Variants in KSR1 observed in about 807,000 individuals in gnomAD.
The protein encoded by KSR1 is kinase suppressor of ras.
A neutral mutation model predicts 92.9 loss-of-function variants in KSR1; 35 were observed. That is an observed-to-expected ratio of 0.38 (90% CI 0.29 to 0.50). The LOEUF is 0.50. KSR1 is among the 20% of genes least tolerant of loss of function. The pLI, the probability that KSR1 is intolerant of heterozygous loss-of-function variation, is 0.94. For synonymous variants in KSR1, 467 were observed against 472.6 expected (o/e 0.99, Z 0.15); for missense variants, 972 against 1,158.5 (o/e 0.84, Z 2.34).
intron 1 of KSR1, among the ~76,000 whole-genome samples, chr17:27,478,394 A>G (rs534101247): frequency 9.8e-4 from 149 of 152,338 alleles, no homozygotes; most frequent in African/African-American, 3.4e-3. Flanking sequence ...GAATGGGGAC[A>G]TACGAATGGG....
chr17:27,582,934 C>T lies in KSR1; in HGVS notation c.809C>T (p.Thr270Ile). The T allele has an allele frequency of 6.2e-7, 1 of 1,611,250 alleles. No homozygotes were observed. Among genetic ancestry groups the T allele is most frequent in the Non-Finnish European group, 8.5e-7 (1 of 1,178,710 alleles). The change falls in exon 4 of 21, where the codon ACC (threonine) becomes ATC (isoleucine). Residue 270 changes from threonine to isoleucine, a missense_variant. Coordinates refer to ENST00000644974, the MANE Select transcript of KSR1 (RefSeq NM_001394583.1). ...LTPRALHSFITPPTTPQLRRH... is the reference protein window; with the variant it reads ...LTPRALHSFIIPPTTPQLRRH... ...CCCCGTGCCCTGCACAGCTTCATCA[C>T]CCCGCCCACCACACCCCAGCTGCGA...
chr17:27,483,487 T>C (rs1374669670), intron 1 of KSR1, among the ~76,000 whole-genome samples: 1 of 149,468 alleles, frequency 6.7e-6, no homozygotes, highest in African/African-American at 2.5e-5. Context: ...CTCAGGAGGC[T>C]GAGGCAGGAG....
At chr17:27,605,335 C>T (rs954813781) in intron 13 of KSR1, 99 bp from the exon 14 acceptor site, 3 of 1,466,770 alleles carry the variant, frequency 2.0e-6, no homozygotes, top group South Asian at 2.6e-5. Context: ...GGCAGGATGC[C>T]TCTCTCCCCT....
rs1447543044 is a variant in KSR1 at position 27,462,699 on chromosome 17, C to T, written c.231+5825C>T. 2.9e-4 allele frequency among the ~76,000 whole-genome samples: 44 copies of T among 152,166 alleles called. 1 individual carries two copies. The highest frequency in any genetic ancestry group is 2.7e-3 in the Admixed American group (42 of 15,276). ...TTTCTACTTTTAATTAAAATATTTA[C>T]AAAATACATAATGATATATGTTCAC... On this transcript the variant is annotated intron_variant, in intron 1 of 20. Coordinates refer to ENST00000644974, the MANE Select transcript of KSR1 (RefSeq NM_001394583.1).
At chr17:27,613,059 G>A (rs1014014664) in intron 18 of KSR1, 6 of 152,176 alleles carry the variant, frequency 3.9e-5, no homozygotes, top group Admixed American at 2.0e-4. Flanking sequence ...ATATTTGTAC[G>A]GGGATGCCCC....
intron 2 of KSR1, among the ~76,000 whole-genome samples, chr17:27,574,719 A>T (rs1294398395): frequency 6.6e-6 from 1 of 152,244 alleles, no homozygotes; most frequent in Admixed American, 6.5e-5. Flanking sequence ...AATGACAATG[A>T]AATTAGTCCT....
Position 27,623,475 on chromosome 17 carries a change from AAC to A in KSR1, c.*86_*87del. ...ATCCCAACAACCACCACGACAAAAA[AAC>A]ACTGCCTGCCCAGCGCTGCAAACCA... On this transcript the variant is annotated 3_prime_UTR_variant, in exon 21 of 21. Transcript: ENST00000644974. The A allele has an allele frequency of 1.4e-6, 1 of 705,890 alleles. No individual in the cohort carries two copies. Among genetic ancestry groups the A allele is most frequent in the Non-Finnish European group, 2.6e-6 (1 of 386,644 alleles). The allele number at this position is 705,890 out of a possible 1,614,324, so 43.7% of individuals were successfully genotyped here. A position where few individuals can be genotyped will look rare whatever the true frequency, so the allele number is the denominator to read the frequency against.
At chr17:27,470,845 T>C (rs76083789) in intron 1 of KSR1, among the ~76,000 whole-genome samples, 1 of 151,578 alleles carries the variant, frequency 6.6e-6, no homozygotes, top group East Asian at 1.9e-4. Flanking sequence ...TTGCTATTTC[T>C]CTCTTCTGTG....
intron 1 of KSR1, among the ~76,000 whole-genome samples, chr17:27,531,041 C>T (rs1010026): frequency 0.41 from 62,232 of 152,066 alleles, 13,411 homozygotes; most frequent in African/African-American, 0.54. Context: ...TAAACAATGT[C>T]GGGATGGACA....
At chr17:27,544,425 A>T (rs2071086030) in intron 1 of KSR1, among the ~76,000 whole-genome samples, 1 of 152,194 alleles carries the variant, frequency 6.6e-6, no homozygotes, top group South Asian at 2.1e-4. Flanking sequence ...TTGATTTTAG[A>T]TGTTAGAGCT....
At position 27,608,054 on chromosome 17, in the gene KSR1, C is replaced by T; in HGVS notation, c.2091+44C>T. On this transcript the variant is annotated intron_variant, in intron 15 of 20. Coordinates refer to ENST00000644974, the MANE Select transcript of KSR1 (RefSeq NM_001394583.1). ...GCTGGGGGTGGGTTTCTGGCCGGTT[C>T]CAGGGCTCTCGGCTGTTCCTCTCGC... The T allele has an allele frequency of 2.1e-6, 3 of 1,404,942 alleles. No homozygotes were observed. In the Middle Eastern group the frequency reaches 5.3e-4, roughly 246 times the overall value. The allele number at this position is 1,404,942 out of a possible 1,614,324, so 87.0% of individuals were successfully genotyped here.
chr17:27,548,042 A>G (rs1009642459), intron 1 of KSR1, among the ~76,000 whole-genome samples: 24 of 151,988 alleles, frequency 1.6e-4, no homozygotes, highest in African/African-American at 5.3e-4. Flanking sequence ...AATTTGATAA[A>G]TGTGTTTAAA....
In KSR1 at chr17:27,600,237, C is replaced by A. The variant is rs193048781; in HGVS notation, c.1469-1123C>A. ...ATCACCTGAGATCAGGAGTTCAAGA[C>A]CAGCCTGGCCAACATAGTGAAACCC... On this transcript the variant is annotated intron_variant, in intron 10 of 20. Coordinates refer to ENST00000644974, the MANE Select transcript of KSR1 (RefSeq NM_001394583.1). Among the ~76,000 whole-genome samples the A allele has an allele frequency of 1.8e-4, 28 of 151,894 alleles. No individual in the cohort carries two copies. The East Asian group carries it at 5.2e-3, about 28-fold the overall frequency.
rs2074334279 is a variant in KSR1, at chr17:27,626,073, A to G, written c.*2681A>G. Reference sequence around the variant, plus strand: ...ACAGAGAGGAATGGCAAGCCCTGGAAACCTGTGTTATTCTGTGTTGATTTG... The same window carrying G: ...ACAGAGAGGAATGGCAAGCCCTGGAGACCTGTGTTATTCTGTGTTGATTTG... On this transcript the variant is annotated 3_prime_UTR_variant, in exon 21 of 21. Coordinates refer to ENST00000644974, the MANE Select transcript of KSR1 (RefSeq NM_001394583.1). 6.6e-6 allele frequency: 1 copy of G among 152,234 alleles called. No homozygotes were observed. The highest frequency in any genetic ancestry group is 1.5e-5 in the Non-Finnish European group (1 of 68,066). The allele number at this position is 152,234 out of a possible 1,614,324, so 9.4% of individuals were successfully genotyped here. A position where few individuals can be genotyped will look rare whatever the true frequency, so the allele number is the denominator to read the frequency against.
Position 27,599,720 on chromosome 17 carries a change from A to G in KSR1, c.1469-1640A>G, listed in dbSNP as rs56676398. ...AATAATAAATTAACCTTAGCTTACA[A>G]CTTTTTTACATTATAATCTTTAAAC... On this transcript the variant is annotated intron_variant, in intron 10 of 20. Transcript: ENST00000644974. 3.2e-3 allele frequency among the ~76,000 whole-genome samples: 493 copies of G among 152,306 alleles called. 6 individuals carry two copies. The highest frequency in any genetic ancestry group is 0.011 in the African/African-American group (464 of 41,560).
chr17:27,530,298 A>G (rs1245281269), intron 1 of KSR1, among the ~76,000 whole-genome samples: 3 of 151,988 alleles, frequency 2.0e-5, no homozygotes, highest in East Asian at 3.9e-4. Flanking sequence ...TACAAAAATT[A>G]GTTGGGTGTA....
intron 1 of KSR1, among the ~76,000 whole-genome samples, chr17:27,486,696 C>T (rs1216690350): frequency 2.6e-5 from 4 of 152,196 alleles, no homozygotes; most frequent in Non-Finnish European, 4.4e-5. Flanking sequence ...TCCCTGAATT[C>T]TCCCTGCCCA....
chr17:27,462,588 G>A (rs116884238), intron 1 of KSR1, among the ~76,000 whole-genome samples: 2,037 of 152,294 alleles, frequency 0.013, 22 homozygotes, highest in Non-Finnish European at 0.02. Context: ...AAGCTGCCTA[G>A]AGATCAGTTT....
chr17:27,509,415 C>T (rs1006008136), intron 1 of KSR1, among the ~76,000 whole-genome samples: 4 of 152,032 alleles, frequency 2.6e-5, no homozygotes, highest in Non-Finnish European at 5.9e-5. Context: ...CTCAGCCTCC[C>T]GGGTAGCTGG....
Sources: gnomAD v4.1 joint callset for allele counts (sites outside exome capture counted in the v4.1 genomes callset) on GRCh38, gnomAD v4.1.1 for gene constraint, MANE v1.5 for transcripts, NCBI Gene and HGNC (gene_info 2026-07-23, HGNC 2026-07-21) for gene names.